The following ST3GAL4 variants were observed in gnomAD, a reference collection of about 807,000 sequenced individuals.
ST3GAL4 encodes ST3 beta-galactoside alpha-2,3-sialyltransferase 4.
In ST3GAL4, 24 loss-of-function variants were observed where a neutral mutation model predicts 42.6. The observed-to-expected ratio is 0.56, with a 90% CI of 0.41 to 0.79. The LOEUF is 0.79. Ranked by LOEUF, ST3GAL4 falls within the 30% of genes least tolerant of loss-of-function variation. The pLI, the probability that ST3GAL4 is intolerant of heterozygous loss-of-function variation, is 0.00. For missense variants in ST3GAL4, 311 were observed against 430.8 expected (o/e 0.72, Z 2.46); for synonymous variants, 135 against 163.2 (o/e 0.83, Z 1.32).
rs1188441102 is a variant in ST3GAL4 at position 126,396,582 on chromosome 11, T to G, written c.-60-9514T>G. Among the ~76,000 whole-genome samples, 1 of 151,838 alleles carries G rather than the reference T, an allele frequency of 6.6e-6. No individual in the cohort carries two copies. ...GCTGAGAAGGGGCTCGACAGGCTCT[T>G]CGTCACTGTGCGGAGCCTTCGAAGG... On this transcript the variant is annotated intron_variant, in intron 1 of 10. Coordinates refer to ENST00000444328, the MANE Select transcript of ST3GAL4 (RefSeq NM_001254757.2). The surrounding 1 kb of genome is among the most constrained non-coding windows in gnomAD (Gnocchi z 5.8).
In ST3GAL4 at chr11:126,414,215, C is replaced by G. The variant is rs148318222; in HGVS notation, c.*168C>G. On this transcript the variant is annotated 3_prime_UTR_variant, in exon 11 of 11. Transcript: ENST00000444328. ...TGAGATGAGGCCATGCCCCTGGCTG[C>G]TCTTATGGAGCCGAGATCCAGTCAG... 2,361 of 665,948 alleles carry G rather than the reference C, an allele frequency of 3.5e-3. 69 individuals are homozygous for G. In the Admixed American group the frequency reaches 0.045, roughly 13 times the overall value. 41.3% of individuals were successfully genotyped at this position (665,948 alleles called of 1,614,324 possible). A position where few individuals can be genotyped will look rare whatever the true frequency, so the allele number is the denominator to read the frequency against.
chr11:126,382,813 G>C (rs756638205), intron 1 of ST3GAL4, among the ~76,000 whole-genome samples: 1 of 152,220 alleles, frequency 6.6e-6, no homozygotes, highest in Non-Finnish European at 1.5e-5. Flanking sequence ...CTTGACAGGC[G>C]GGAATCTGTC....
At chr11:126,401,628 G>A (rs1044225017) in intron 1 of ST3GAL4, among the ~76,000 whole-genome samples, 2 of 151,890 alleles carry the variant, frequency 1.3e-5, no homozygotes, top group Non-Finnish European at 2.9e-5. Flanking sequence ...CCCGGAGGCA[G>A]GAGGAAAACC....
At position 126,388,552 on chromosome 11, in the gene ST3GAL4, G is replaced by T. The variant is rs561346472; in HGVS notation, c.-60-17544G>T. Among the ~76,000 whole-genome samples the T allele has an allele frequency of 2.6e-5, 4 of 151,208 alleles. No homozygotes were observed. In the South Asian group the frequency reaches 6.3e-4, roughly 24 times the overall value. ...TTACCATGTTGGCCAGGCTGGTCTCGAACTCATGACCTCAAATGATCCATC... is the reference window on the plus strand; with the variant it reads ...TTACCATGTTGGCCAGGCTGGTCTCTAACTCATGACCTCAAATGATCCATC... On this transcript the variant is annotated intron_variant, in intron 1 of 10. Transcript: ENST00000444328.
At position 126,413,495 on chromosome 11, in the gene ST3GAL4, T is replaced by C; in HGVS notation, c.772-10T>C. 1 of 1,613,694 alleles carries C rather than the reference T, an allele frequency of 6.2e-7. No homozygotes were observed. ...GCTCCCACTAACACCCTCCTGCCCC[T>C]GTTCCTCAGAAGCCCACCACGGGCC... On this transcript the variant is annotated splice_polypyrimidine_tract_variant and intron_variant, in intron 9 of 10. Coordinates refer to ENST00000444328, the MANE Select transcript of ST3GAL4 (RefSeq NM_001254757.2).
intron 1 of ST3GAL4, among the ~76,000 whole-genome samples, chr11:126,372,531 C>T (rs1166810151): frequency 6.6e-6 from 1 of 151,916 alleles, no homozygotes; most frequent in Non-Finnish European, 1.5e-5. Flanking sequence ...ATTCTCCTGC[C>T]TCAGCTTCCC....
intron 1 of ST3GAL4, among the ~76,000 whole-genome samples, chr11:126,371,722 AAC>A (rs1952656635): frequency 6.6e-6 from 1 of 152,206 alleles, no homozygotes. Context: ...TTGCTATTGT[AAC>A]ACTGCTAATA....
intron 1 of ST3GAL4, among the ~76,000 whole-genome samples, chr11:126,387,510 T>C (rs538836808): frequency 1.3e-5 from 2 of 151,990 alleles, no homozygotes; most frequent in South Asian, 4.2e-4. Flanking sequence ...AGACCCCATC[T>C]CTCCAACATT....
At chr11:126,364,927 G>A (rs1952372943) in intron 1 of ST3GAL4, among the ~76,000 whole-genome samples, 1 of 150,808 alleles carries the variant, frequency 6.6e-6, no homozygotes, top group African/African-American at 2.5e-5. Flanking sequence ...AGCAAGAAGT[G>A]AATGTTCTCT....
intron 1 of ST3GAL4, chr11:126,358,375 CTTG>C (rs1591404927): frequency 1.0e-5 from 4 of 381,954 alleles, no homozygotes; most frequent in Non-Finnish European, 2.1e-5. Flanking sequence ...TTGGGTGACT[CTTG>C]TTATTAACCC....
Position 126,410,343 on chromosome 11 carries a change from A to G in ST3GAL4, c.771+932A>G, listed in dbSNP as rs746173167. Among the ~76,000 whole-genome samples, 5 of 152,090 alleles carry G rather than the reference A, an allele frequency of 3.3e-5. No individual in the cohort carries two copies. Among genetic ancestry groups the G allele is most frequent in the African/African-American group, 4.8e-5 (2 of 41,390 alleles). ...ACTTTGTAGCTTCCCAAGTACTTCC[A>G]CCCATATCTTGGAGCCCCTCGGGGA... On this transcript the variant is annotated intron_variant, in intron 9 of 10. Transcript: ENST00000444328. This position sits in a 1 kb window ranked among gnomAD's most constrained non-coding sequence, Gnocchi z 5.3.
intron 1 of ST3GAL4, among the ~76,000 whole-genome samples, chr11:126,381,320 C>CCA (rs1162580403): frequency 3.3e-5 from 5 of 152,170 alleles, no homozygotes; most frequent in Non-Finnish European, 7.3e-5. Context: ...CCCAACCCTG[C>CCA]AGGATGGAGA....
rs11220457 is a variant in ST3GAL4, at chr11:126,363,884, G to A, written c.-61+8042G>A. On this transcript the variant is annotated intron_variant, in intron 1 of 10. Coordinates refer to ENST00000444328, the MANE Select transcript of ST3GAL4 (RefSeq NM_001254757.2). The surrounding 1 kb of genome is among the most constrained non-coding windows in gnomAD (Gnocchi z 4.6). ...ATACACTCCCCACCCTCCCAGGCCC[G>A]GCACCGTGTCGCCCTGCCCCAGCCC... Among the ~76,000 whole-genome samples, 95 of 152,302 alleles carry A rather than the reference G, an allele frequency of 6.2e-4. No homozygotes were observed. The East Asian group carries it at 0.018, about 28-fold the overall frequency.
At chr11:126,412,813 G>A (rs1056757016) in intron 9 of ST3GAL4, among the ~76,000 whole-genome samples, 6 of 152,212 alleles carry the variant, frequency 3.9e-5, no homozygotes, top group South Asian at 4.1e-4. Flanking sequence ...GTTGCTTAAC[G>A]CTTTTGTAAG....
rs548322943 is a variant in ST3GAL4 at position 126,396,037 on chromosome 11, C to T, written c.-60-10059C>T. 6.6e-6 allele frequency among the ~76,000 whole-genome samples: 1 copy of T among 151,162 alleles called. No individual in the cohort carries two copies. Among genetic ancestry groups the T allele is most frequent in the East Asian group, 1.9e-4 (1 of 5,168 alleles). ...GAGTTTTACAGATGACCGGTCTGTT[C>T]TTGGCACTTGCAATTAGCGGACCGT... On this transcript the variant is annotated intron_variant, in intron 1 of 10. Transcript: ENST00000444328. The surrounding 1 kb of genome is among the most constrained non-coding windows in gnomAD (Gnocchi z 5.8).
chr11:126,372,266 A>T (rs1165236911), intron 1 of ST3GAL4, among the ~76,000 whole-genome samples: 4 of 152,024 alleles, frequency 2.6e-5, no homozygotes, highest in African/African-American at 9.7e-5. Flanking sequence ...TTCTGTGTCT[A>T]TGAGTTTGAC....
chr11:126,394,153 T>C (rs1047674196), intron 1 of ST3GAL4, among the ~76,000 whole-genome samples: 6 of 152,248 alleles, frequency 3.9e-5, no homozygotes, highest in Non-Finnish European at 7.3e-5. Context: ...GGGGATTGGC[T>C]GTGCTGGTGG....
At chr11:126,369,850 A>G (rs1394473770) in intron 1 of ST3GAL4, among the ~76,000 whole-genome samples, 61 of 152,330 alleles carry the variant, frequency 4.0e-4, no homozygotes, top group Admixed American at 3.8e-3. Flanking sequence ...TGAGTACTCT[A>G]TTCACATAAG....
intron 1 of ST3GAL4, among the ~76,000 whole-genome samples, chr11:126,357,821 C>T (rs955062588): frequency 2.0e-5 from 3 of 152,262 alleles, no homozygotes; most frequent in Non-Finnish European, 4.4e-5. Flanking sequence ...GGTCTCTCCT[C>T]AGAGAGGCTG....
Sources: gnomAD v4.1 joint callset for allele counts (sites outside exome capture counted in the v4.1 genomes callset) on GRCh38, gnomAD v4.1.1 for gene constraint, Gnocchi (gnomAD v3.1) non-coding constraint, MANE v1.5 for transcripts, NCBI Gene and HGNC (gene_info 2026-07-23, HGNC 2026-07-21) for gene names.